SAMD8: variants seen among roughly 807,000 people sequenced by gnomAD.
The protein encoded by SAMD8 is sphingomyelin synthase-related protein 1.
A neutral mutation model predicts 42.0 loss-of-function variants in SAMD8; 20 were observed. The observed-to-expected ratio is 0.48, with a 90% CI of 0.34 to 0.69. SAMD8 has a LOEUF of 0.69. Ranked by LOEUF, SAMD8 falls within the 30% of genes least tolerant of loss-of-function variation. The pLI, the probability that SAMD8 is intolerant of heterozygous loss-of-function variation, is 0.01. For missense variants in SAMD8, 328 were observed against 511.6 expected (o/e 0.64, Z 3.46); for synonymous variants, 162 against 173.0 (o/e 0.94, Z 0.50).
intron 1 of SAMD8, among the ~76,000 whole-genome samples, chr10:75,102,282 C>T (rs1848214805): frequency 1.3e-5 from 2 of 152,036 alleles, no homozygotes; most frequent in South Asian, 4.1e-4. Flanking sequence ...CGAGACCATC[C>T]TGGCTAACAG....
intron 1 of SAMD8, among the ~76,000 whole-genome samples, chr10:75,132,173 G>A (rs1849288474): frequency 6.6e-6 from 1 of 152,198 alleles, no homozygotes; most frequent in Admixed American, 6.6e-5. Flanking sequence ...GGTACTCTCT[G>A]CTCTGTGGCA....
chr10:75,150,059 CGT>C (rs35794343), intron 1 of SAMD8, among the ~76,000 whole-genome samples: 12,682 of 148,314 alleles, frequency 0.086, 730 homozygotes, highest in African/African-American at 0.16. Context: ...CATATGTGTG[CGT>C]GTGTGTGTGT....
At chr10:75,113,371 C>G (rs1455352539) in intron 1 of SAMD8, among the ~76,000 whole-genome samples, 1 of 150,906 alleles carries the variant, frequency 6.6e-6, no homozygotes, top group African/African-American at 2.4e-5. Flanking sequence ...TCTCTTCCTT[C>G]TTTTCTTTTC....
chr10:75,161,126 C>G (rs1357931781), intron 2 of SAMD8, among the ~76,000 whole-genome samples: 1 of 152,132 alleles, frequency 6.6e-6, no homozygotes, highest in Admixed American at 6.6e-5. Context: ...GACTAGTGGT[C>G]TGTTCTCCAG....
upstream of SAMD8, chr10:75,111,344 G>A (rs1848762483): frequency 2.3e-6 from 1 of 439,850 alleles, no homozygotes. Context: ...TTTGGCCTCC[G>A]GCATGACGCA....
chr10:75,170,322 G>A (rs543906708), intron 4 of SAMD8, among the ~76,000 whole-genome samples: 2 of 152,200 alleles, frequency 1.3e-5, no homozygotes, highest in South Asian at 2.1e-4. Context: ...CAGCATTCAC[G>A]TTCACTTCTT....
In SAMD8 at chr10:75,150,894, C is replaced by A; in HGVS notation, c.366C>A (p.Pro122=). The A allele has an allele frequency of 6.2e-7, 1 of 1,612,476 alleles. No homozygotes were observed. Among genetic ancestry groups the A allele is most frequent in the Admixed American group, 1.7e-5 (1 of 59,818 alleles). The part of the protein sequence containing the change: ...NGELSHDCDG[P]ITDLNSDQYQ... ...AGCTTTCCCATGACTGTGACGGACC[C>A]ATAACTGACTTGAATTCTGATCAGT... Residue 122 remains proline (P), a synonymous_variant, in exon 2 of 6, where the codon CCC becomes CCA. Coordinates refer to ENST00000542569, the MANE Select transcript of SAMD8 (RefSeq NM_001174156.2).
chr10:75,176,764 C>T lies in SAMD8; in HGVS notation c.*72C>T, dbSNP rs977758280. 2.5e-6 allele frequency: 3 copies of T among 1,190,704 alleles called. No homozygotes were observed. The South Asian group carries it at 5.0e-5, about 20-fold the overall frequency. The allele number at this position is 1,190,704 out of a possible 1,614,324, so 73.8% of individuals were successfully genotyped here. The stretch of plus-strand genomic sequence containing the variant: ...GAAAATGAGTAACTTTGCGTTCTCC[C>T]CCTAGGTTGTTCTTAGATGCCTGGC... On this transcript the variant is annotated 3_prime_UTR_variant, in exon 6 of 6. Coordinates refer to ENST00000542569, the MANE Select transcript of SAMD8 (RefSeq NM_001174156.2). The surrounding 1 kb of genome is among the most constrained non-coding windows in gnomAD (Gnocchi z 4.3).
intron 2 of SAMD8, among the ~76,000 whole-genome samples, chr10:75,160,260 G>A (rs892018621): frequency 1.5e-4 from 23 of 151,948 alleles, no homozygotes; most frequent in African/African-American, 3.9e-4. Flanking sequence ...GCAGTGGCGC[G>A]ATCTCGGCTC....
At chr10:75,131,532 T>C (rs1849272990) in intron 1 of SAMD8, among the ~76,000 whole-genome samples, 2 of 152,146 alleles carry the variant, frequency 1.3e-5, no homozygotes, top group South Asian at 4.1e-4. Flanking sequence ...TTAGAATCTG[T>C]CTATAATACC....
intron 1 of SAMD8, among the ~76,000 whole-genome samples, chr10:75,115,964 A>C (rs977063034): frequency 6.6e-6 from 1 of 151,182 alleles, no homozygotes; most frequent in East Asian, 1.9e-4. Context: ...AAAAAAGACT[A>C]TTAACTAAGA....
At chr10:75,101,918 C>T in intron 1 of SAMD8, 1 of 1,367,732 alleles carries the variant, frequency 7.3e-7, no homozygotes, top group Non-Finnish European at 9.8e-7. Context: ...GCAGTTCGTG[C>T]TGCTGGCTTT....
At chr10:75,103,958 C>T (rs372391085) in intron 1 of SAMD8, 4 of 1,327,444 alleles carry the variant, frequency 3.0e-6, no homozygotes, top group Non-Finnish European at 4.0e-6. Context: ...GATGGAGTAG[C>T]AGGCTCTAGG....
chr10:75,171,786 A>T (rs1840874119), intron 4 of SAMD8, among the ~76,000 whole-genome samples: 1 of 152,182 alleles, frequency 6.6e-6, no homozygotes, highest in South Asian at 2.1e-4. Context: ...GCACTTTGGG[A>T]GTCCAAGGTG....
At chr10:75,123,200 CCCCACCCCA>C (rs1849047559) in intron 1 of SAMD8, among the ~76,000 whole-genome samples, 2 of 123,644 alleles carry the variant, frequency 1.6e-5, no homozygotes, top group Non-Finnish European at 1.8e-5. Context: ...CCCCACCCCA[CCCCACCCCA>C]CCCTGTGCAG....
At chr10:75,154,823 CAG>C (rs1034487131) in intron 2 of SAMD8, among the ~76,000 whole-genome samples, 5 of 152,066 alleles carry the variant, frequency 3.3e-5, no homozygotes, top group Admixed American at 6.6e-5. Context: ...TTAGAGCTAA[CAG>C]AATTTGCTGA....
Position 75,123,396 on chromosome 10 carries a change from A to G in SAMD8, c.-16+11674A>G, listed in dbSNP as rs1474478701. 3.3e-5 allele frequency among the ~76,000 whole-genome samples: 5 copies of G among 151,874 alleles called. No homozygotes were observed. The South Asian group carries it at 6.2e-4, about 19-fold the overall frequency. On this transcript the variant is annotated intron_variant, in intron 1 of 5. Coordinates refer to ENST00000542569, the MANE Select transcript of SAMD8 (RefSeq NM_001174156.2). ...TTTGAAGTCCAAGTTCCCCAAATGG[A>G]CTCCTCTGACAGCATGTTAAGAGAG...
Position 75,150,501 on chromosome 10 carries a change from T to G in SAMD8, c.-15-13T>G, listed in dbSNP as rs1840262516. On this transcript the variant is annotated splice_polypyrimidine_tract_variant and intron_variant, in intron 1 of 5. Coordinates refer to ENST00000542569, the MANE Select transcript of SAMD8 (RefSeq NM_001174156.2). ...TGAAGCTTTTGTTTTGTTTTCCTGTTTTCTCTCTACAGGCAGCGGAGGAGG... is the reference window on the plus strand; with the variant it reads ...TGAAGCTTTTGTTTTGTTTTCCTGTGTTCTCTCTACAGGCAGCGGAGGAGG... The G allele has an allele frequency of 6.3e-7, 1 of 1,576,164 alleles. No individual in the cohort carries two copies. The highest frequency in any genetic ancestry group is 1.9e-5 in the Admixed American group (1 of 51,404).
upstream of SAMD8, chr10:75,108,048 C>G (rs373213199): frequency 6.2e-7 from 1 of 1,613,890 alleles, no homozygotes; most frequent in Non-Finnish European, 8.5e-7. Context: ...GAAGTAGGCA[C>G]TGATGTCAAA....
Sources: allele counts gnomAD v4.1 joint callset (sites outside exome capture counted in the v4.1 genomes callset), GRCh38; gene constraint gnomAD v4.1.1; non-coding constraint Gnocchi (gnomAD v3.1); transcripts MANE v1.5; gene names NCBI Gene and HGNC (gene_info 2026-07-23, HGNC 2026-07-21).